COLEC12: variants seen among roughly 807,000 people sequenced by gnomAD.
COLEC12 encodes collectin-12.
COLEC12 carries 33 observed loss-of-function variants against 71.1 expected under a neutral mutation model. The observed-to-expected ratio is 0.46, with a 90% CI of 0.35 to 0.62. The LOEUF is 0.62. Among genes scored for constraint, COLEC12 ranks in the 20% least tolerant of loss-of-function variants. The pLI, the probability that COLEC12 is intolerant of heterozygous loss-of-function variation, is 0.00. For synonymous variants in COLEC12, 350 were observed against 353.0 expected (o/e 0.99, Z 0.10); for missense variants, 765 against 916.1 (o/e 0.84, Z 2.13).
chr18:318,974 C>T lies in COLEC12; in HGVS notation c.*1071G>A, dbSNP rs1316544274. On this transcript the variant is annotated 3_prime_UTR_variant, in exon 10 of 10. Coordinates refer to ENST00000400256, the MANE Select transcript of COLEC12 (RefSeq NM_130386.3). ...TTTGGCTGATGTGACGCCATACGTT[C>T]CTGACAGTTAATGTTGGCTCTGTAG... The T allele has an allele frequency of 6.6e-6, 1 of 152,160 alleles. No individual in the cohort carries two copies. The highest frequency in any genetic ancestry group is 6.5e-5 in the Admixed American group (1 of 15,270). 9.4% of individuals were successfully genotyped at this position (152,160 alleles called of 1,614,324 possible). A position where few individuals can be genotyped will look rare whatever the true frequency, so the allele number is the denominator to read the frequency against.
intron 1 of COLEC12, among the ~76,000 whole-genome samples, chr18:486,339 T>C (rs1917518067): frequency 6.6e-6 from 1 of 152,086 alleles, no homozygotes; most frequent in Admixed American, 6.6e-5. Flanking sequence ...CCTGCGCCAT[T>C]ATGCCTGCCT....
intron 2 of COLEC12, among the ~76,000 whole-genome samples, chr18:371,703 C>T (rs138087007): frequency 6.6e-6 from 1 of 152,192 alleles, no homozygotes; most frequent in East Asian, 1.9e-4. Flanking sequence ...GGCCTTGTGA[C>T]AGTTGATTGT....
chr18:406,167 A>G (rs1240019450), intron 2 of COLEC12, among the ~76,000 whole-genome samples: 3 of 152,158 alleles, frequency 2.0e-5, no homozygotes, highest in Non-Finnish European at 4.4e-5. Flanking sequence ...AAGGGGAGAC[A>G]TGAATAATCC....
intron 8 of COLEC12, among the ~76,000 whole-genome samples, chr18:328,359 C>A (rs1567873757): frequency 6.6e-6 from 1 of 152,090 alleles, no homozygotes; most frequent in Admixed American, 6.5e-5. Context: ...TGGTAGGAGA[C>A]CCTTGAGAGC....
chr18:432,706 G>A (rs1364762056), intron 2 of COLEC12, among the ~76,000 whole-genome samples: 1 of 137,568 alleles, frequency 7.3e-6, no homozygotes, highest in Non-Finnish European at 1.6e-5. Context: ...CATGTGCTGC[G>A]AGCCACACCC....
At chr18:350,904 G>C (rs573654906) in intron 3 of COLEC12, among the ~76,000 whole-genome samples, 181 of 148,072 alleles carry the variant, frequency 1.2e-3, no homozygotes, top group Middle Eastern at 7.0e-3. Context: ...AGGTTGCAGT[G>C]AGCCGAGATC....
Position 481,334 on chromosome 18 carries a change from C to A in COLEC12, c.8-577G>T, listed in dbSNP as rs1028900526. Among the ~76,000 whole-genome samples the A allele has an allele frequency of 2.7e-5, 3 of 110,532 alleles. No individual in the cohort carries two copies. The Admixed American group carries it at 2.9e-4, about 11-fold the overall frequency. 72.5% of individuals were successfully genotyped at this position (110,532 alleles called of 152,430 possible). A position where few individuals can be genotyped will look rare whatever the true frequency, so the allele number is the denominator to read the frequency against. On this transcript the variant is annotated intron_variant, in intron 1 of 9. Coordinates refer to ENST00000400256, the MANE Select transcript of COLEC12 (RefSeq NM_130386.3). ...CTTCCGATGGGTAACTGGGACCAAC[C>A]GATGGTTTCGCAGTAAATGTGTTTC...
chr18:387,767 G>A (rs1025856089), intron 2 of COLEC12, among the ~76,000 whole-genome samples: 16 of 152,332 alleles, frequency 1.1e-4, no homozygotes, highest in African/African-American at 3.8e-4. Context: ...TTTGATGAGT[G>A]TAATCACTGT....
intron 2 of COLEC12, among the ~76,000 whole-genome samples, chr18:456,781 A>C (rs1173787226): frequency 6.6e-6 from 1 of 152,170 alleles, no homozygotes; most frequent in Non-Finnish European, 1.5e-5. Flanking sequence ...GCTGCTCGCT[A>C]TTTTGAGTCT....
At chr18:351,716 T>C (rs1481520259) in intron 3 of COLEC12, among the ~76,000 whole-genome samples, 1 of 152,162 alleles carries the variant, frequency 6.6e-6, no homozygotes, top group Non-Finnish European at 1.5e-5. Context: ...TACAGGAGCC[T>C]GTTACCACGC....
chr18:320,009 G>A lies in COLEC12; in HGVS notation c.*36C>T, dbSNP rs201478027. On this transcript the variant is annotated 3_prime_UTR_variant, in exon 10 of 10. Transcript: ENST00000400256. ...AAAGGAGTGTCCTTTGCCTTTGAGA[G>A]CTGAAAATTTGCTCATGTGATCCCA... is the stretch of plus-strand genomic sequence containing the variant. The A allele has an allele frequency of 3.7e-5, 51 of 1,364,732 alleles. No individual in the cohort carries two copies. The East Asian group carries it at 9.4e-4, about 25-fold the overall frequency. The allele number at this position is 1,364,732 out of a possible 1,614,324, so 84.5% of individuals were successfully genotyped here. A position where few individuals can be genotyped will look rare whatever the true frequency, so the allele number is the denominator to read the frequency against.
chr18:371,694 G>C (rs1209378560), intron 2 of COLEC12, among the ~76,000 whole-genome samples: 3 of 152,166 alleles, frequency 2.0e-5, no homozygotes, highest in African/African-American at 4.8e-5. Flanking sequence ...GCAGTAACAG[G>C]CCTTGTGACA....
intron 2 of COLEC12, among the ~76,000 whole-genome samples, chr18:425,673 C>T (rs1176690591): frequency 6.6e-6 from 1 of 152,242 alleles, no homozygotes; most frequent in Non-Finnish European, 1.5e-5. Flanking sequence ...CCATTGCTGG[C>T]ACCACTAACC....
chr18:473,811 C>G (rs1379257394), intron 2 of COLEC12, among the ~76,000 whole-genome samples: 1 of 152,194 alleles, frequency 6.6e-6, no homozygotes, highest in Non-Finnish European at 1.5e-5. Context: ...TTAACCAAAA[C>G]AGAGCTGAGT....
intron 2 of COLEC12, among the ~76,000 whole-genome samples, chr18:432,454 A>G (rs1344884201): frequency 6.6e-6 from 1 of 152,184 alleles, no homozygotes; most frequent in Non-Finnish European, 1.5e-5. Flanking sequence ...ACTGGGTCTC[A>G]ATTTCTTTAT....
intron 1 of COLEC12, among the ~76,000 whole-genome samples, chr18:485,890 C>T (rs182524993): frequency 3.9e-5 from 6 of 152,330 alleles, no homozygotes; most frequent in East Asian, 1.9e-4. Flanking sequence ...AGTTCTGGTT[C>T]GGACTCCTCC....
intron 2 of COLEC12, among the ~76,000 whole-genome samples, chr18:387,475 T>C (rs913703244): frequency 6.6e-6 from 1 of 152,188 alleles, no homozygotes; most frequent in African/African-American, 2.4e-5. Context: ...ACTCCATTTT[T>C]TTTTTAATGG....
At chr18:458,935 A>G (rs1256926226) in intron 2 of COLEC12, among the ~76,000 whole-genome samples, 1 of 152,224 alleles carries the variant, frequency 6.6e-6, no homozygotes, top group Non-Finnish European at 1.5e-5. Context: ...CCCAGGCTCA[A>G]GTGATCTTCC....
In COLEC12 at chr18:334,830, G is replaced by A. The variant is rs757229102; in HGVS notation, c.1728C>T (p.Pro576=). The A allele has an allele frequency of 6.6e-7, 1 of 1,520,490 alleles. No individual in the cohort carries two copies. The highest frequency in any genetic ancestry group is 8.8e-7 in the Non-Finnish European group (1 of 1,142,080). The allele number at this position is 1,520,490 out of a possible 1,614,324, so 94.2% of individuals were successfully genotyped here. A position where few individuals can be genotyped will look rare whatever the true frequency, so the allele number is the denominator to read the frequency against. ...GLPGVPGMPG[P]KGPPGPPGPS... ...GGCCAGGAGGGCCGGGGGGGCCCTTGGGGCCTGGCATGCCTGGTACCCCAG... is the reference window on the plus strand; with the variant it reads ...GGCCAGGAGGGCCGGGGGGGCCCTTAGGGCCTGGCATGCCTGGTACCCCAG... Residue 576 remains proline, a synonymous_variant, in exon 6 of 10, where the codon CCC becomes CCT. Coordinates refer to ENST00000400256, the MANE Select transcript of COLEC12 (RefSeq NM_130386.3).
Sources: gnomAD v4.1 joint callset for allele counts (sites outside exome capture counted in the v4.1 genomes callset) on GRCh38, gnomAD v4.1.1 for gene constraint, MANE v1.5 for transcripts, NCBI Gene and HGNC (gene_info 2026-07-23, HGNC 2026-07-21) for gene names.